NSUN7: variants seen among roughly 807,000 people sequenced by gnomAD.
NSUN7 encodes the protein protein NSUN7.
NSUN7 carries 39 observed loss-of-function variants against 58.5 expected under a neutral mutation model. The observed-to-expected ratio is 0.67, with a 90% CI of 0.52 to 0.87. The LOEUF is 0.87. Among genes scored for constraint, NSUN7 ranks in the 40% least tolerant of loss-of-function variants. NSUN7 has a pLI of 0.00. For missense variants in NSUN7, 765 were observed against 844.1 expected, an observed-to-expected ratio of 0.91 and a Z score of 1.16; for synonymous variants, 278 against 303.7, an observed-to-expected ratio of 0.92 and a Z score of 0.88.
At chr4:40,780,996 T>C (rs1002630402) in intron 7 of NSUN7, among the ~76,000 whole-genome samples, 4 of 151,354 alleles carry the variant, frequency 2.6e-5, no homozygotes, top group African/African-American at 7.3e-5. Flanking sequence ...TTTTGTATTT[T>C]TTTAGTAGAG....
At chr4:40,792,819 C>T (rs1375544529) in intron 8 of NSUN7, among the ~76,000 whole-genome samples, 3 of 151,900 alleles carry the variant, frequency 2.0e-5, no homozygotes, top group Non-Finnish European at 4.4e-5. Flanking sequence ...CTCTGAGGAG[C>T]TAAAAGCTTG....
Position 40,776,118 on chromosome 4 carries a change from G to A in NSUN7, c.895G>A (p.Val299Ile). ...AAATATGGATGATGATGTCTTAATG[G>A]TCAATACAGGCTCATGGTACACAGT... ...LLNMDDDVLM[V>I]NTGSWYTVSH... Residue 299 changes from valine to isoleucine, a missense_variant, in exon 7 of 12, where the codon GTC (valine) becomes ATC (isoleucine). Coordinates refer to ENST00000381782, the MANE Select transcript of NSUN7 (RefSeq NM_024677.6). The A allele has an allele frequency of 6.2e-7, 1 of 1,608,718 alleles. No individual in the cohort carries two copies. Among genetic ancestry groups the A allele is most frequent in the South Asian group, 1.1e-5 (1 of 90,620 alleles).
chr4:40,790,064 CTT>C (rs60071501), intron 7 of NSUN7, among the ~76,000 whole-genome samples: 179 of 121,554 alleles, frequency 1.5e-3, no homozygotes, highest in Non-Finnish European at 1.7e-3. Context: ...CCTCCCCCAC[CTT>C]TTTTTTTTTT....
Position 40,754,738 on chromosome 4 carries a change from A to G in NSUN7, c.298+3747A>G, listed in dbSNP as rs145242813. Among the ~76,000 whole-genome samples, 157 of 152,358 alleles carry G rather than the reference A, an allele frequency of 1.0e-3. No individual in the cohort carries two copies. In the East Asian group the frequency reaches 0.026, roughly 25 times the overall value. ...GAACAGGTAATTAAATCACATTACC[A>G]TAATATTTAAGGAGTAGGAGAAGAA... On this transcript the variant is annotated intron_variant, in intron 2 of 11. Coordinates refer to ENST00000381782, the MANE Select transcript of NSUN7 (RefSeq NM_024677.6).
Position 40,808,445 on chromosome 4 carries a change from G to A in NSUN7, c.1663G>A (p.Gly555Ser), listed in dbSNP as rs1040487038. Reference sequence around the variant, plus strand: ...AAAATCAAAAACATCATTGACAAAAGGTGCCACTACTGATAATGGCATCCA... The same window carrying A: ...AAAATCAAAAACATCATTGACAAAAAGTGCCACTACTGATAATGGCATCCA... ...KKKSKTSLTK[G>S]ATTDNGIQMK... The change falls in exon 12 of 12, where the codon GGT (glycine) becomes AGT (serine). Residue 555 changes from glycine to serine, a missense_variant. By Grantham distance (56) the Gly-to-Ser change is moderately conservative. Transcript: ENST00000381782. 7 of 1,605,268 alleles carry A rather than the reference G, an allele frequency of 4.4e-6. No homozygotes were observed. Among genetic ancestry groups the A allele is most frequent in the Non-Finnish European group, 4.3e-6 (5 of 1,174,586 alleles).
At chr4:40,757,484 G>A (rs1741198059) in intron 2 of NSUN7, among the ~76,000 whole-genome samples, 1 of 149,304 alleles carries the variant, frequency 6.7e-6, no homozygotes, top group African/African-American at 2.5e-5. Flanking sequence ...AGGAGCATCT[G>A]TATAAAGTAT....
chr4:40,769,818 T>C (rs1281740764), intron 4 of NSUN7, among the ~76,000 whole-genome samples: 2 of 152,256 alleles, frequency 1.3e-5, no homozygotes, highest in African/African-American at 4.8e-5. Flanking sequence ...TCTTCACCTG[T>C]TTCACTTACC....
intron 7 of NSUN7, among the ~76,000 whole-genome samples, chr4:40,787,026 T>A: frequency 6.9e-6 from 1 of 144,500 alleles, no homozygotes. Context: ...GAAATAAAAC[T>A]TTAAAGAGTG....
At chr4:40,799,049 A>ACCAAGATTC (rs1743444854) in intron 10 of NSUN7, 145 bp downstream of exon 10, 1 of 324,738 alleles carries the variant, frequency 3.1e-6, no homozygotes. Flanking sequence ...TACAAATTTA[A>ACCAAGATTC]CCAAGATTCC....
chr4:40,764,624 T>A (rs1360453751), intron 4 of NSUN7, among the ~76,000 whole-genome samples: 1 of 152,236 alleles, frequency 6.6e-6, no homozygotes, highest in African/African-American at 2.4e-5. Flanking sequence ...CAAATGGTAT[T>A]TCTAGTTCTA....
chr4:40,755,106 T>A (rs1225600244), intron 2 of NSUN7, among the ~76,000 whole-genome samples: 1 of 152,166 alleles, frequency 6.6e-6, no homozygotes, highest in African/African-American at 2.4e-5. Flanking sequence ...TTAATTAATT[T>A]ATTGATGGAG....
intron 3 of NSUN7, 122 bp from the exon 4 acceptor site, chr4:40,761,048 AC>A: frequency 1.4e-6 from 1 of 731,272 alleles, no homozygotes; most frequent in South Asian, 1.9e-5. Context: ...ATCCAATCAG[AC>A]TATGTAAAAA....
intron 8 of NSUN7, 25 bp from the exon 9 acceptor site, chr4:40,794,350 A>C (rs773737337): frequency 7.1e-7 from 1 of 1,402,176 alleles, no homozygotes; most frequent in Non-Finnish European, 1.0e-6. Flanking sequence ...TGCTATATTT[A>C]AAAGCATTTC....
At chr4:40,779,693 A>C (rs1742434005) in intron 7 of NSUN7, among the ~76,000 whole-genome samples, 2 of 152,366 alleles carry the variant, frequency 1.3e-5, no homozygotes, top group South Asian at 4.1e-4. Flanking sequence ...CTAAATGATT[A>C]TAATCTAATG....
rs538379559 is a variant in NSUN7 at position 40,802,739 on chromosome 4, AAAGT to A, written c.1400+3841_1400+3844del. Among the ~76,000 whole-genome samples the A allele has an allele frequency of 5.9e-5, 9 of 152,196 alleles. No individual in the cohort carries two copies. The East Asian group carries it at 1.7e-3, about 29-fold the overall frequency. ...AACACAATTACATATATTGCATGAA[AAAGT>A]AAGTACCTTTTACCCTGACACTTTG... is the stretch of plus-strand genomic sequence containing the variant. On this transcript the variant is annotated intron_variant, in intron 10 of 11. Transcript: ENST00000381782.
intron 7 of NSUN7, chr4:40,786,472 A>C: frequency 1.2e-6 from 2 of 1,612,650 alleles, no homozygotes; most frequent in Non-Finnish European, 1.7e-6. Flanking sequence ...AATAAATAGG[A>C]TATCAGAAAA....
rs925820827 is a variant in NSUN7 at position 40,809,821 on chromosome 4, C to A, written c.*882C>A. 6.6e-6 allele frequency: 1 copy of A among 152,120 alleles called. No individual in the cohort carries two copies. Among genetic ancestry groups the A allele is most frequent in the Non-Finnish European group, 1.5e-5 (1 of 68,018 alleles). 9.4% of individuals were successfully genotyped at this position (152,120 alleles called of 1,614,324 possible). On this transcript the variant is annotated 3_prime_UTR_variant, in exon 12 of 12. Coordinates refer to ENST00000381782, the MANE Select transcript of NSUN7 (RefSeq NM_024677.6). ...ACTTTGGTAAATCATTTCTGAGGCA[C>A]AATTAAATATATTGTAGCACTATGT...
chr4:40,792,906 C>A (rs912674974), intron 8 of NSUN7, among the ~76,000 whole-genome samples: 5 of 151,900 alleles, frequency 3.3e-5, no homozygotes, highest in Admixed American at 1.3e-4. Flanking sequence ...GGGGGTGAAT[C>A]CGAAAGATTA....
In NSUN7 at chr4:40,776,196, G is replaced by A. The variant is rs1742256867; in HGVS notation, c.973G>A (p.Gly325Arg). ...TAATACCTCAAAAGTATTTGTGTGT[G>A]GAGTACAATCACAAGCTAAGGATCC... is the stretch of plus-strand genomic sequence containing the variant. ...NNNTSKVFVC[G>R]VQSQAKDPDL... Residue 325 changes from glycine to arginine, a missense_variant, in exon 7 of 12, where the codon GGA becomes AGA. By Grantham distance (125) the Gly-to-Arg change is moderately radical. Coordinates refer to ENST00000381782, the MANE Select transcript of NSUN7 (RefSeq NM_024677.6). 1 of 1,612,124 alleles carries A rather than the reference G, an allele frequency of 6.2e-7. No homozygotes were observed.
Sources: allele counts gnomAD v4.1 joint callset (sites outside exome capture counted in the v4.1 genomes callset), GRCh38; gene constraint gnomAD v4.1.1; transcripts MANE v1.5; gene names NCBI Gene and HGNC (gene_info 2026-07-23, HGNC 2026-07-21).